Variants in GLIS3 observed in about 807,000 individuals in gnomAD.
The protein encoded by GLIS3 is zinc finger protein GLIS3.
Under a neutral mutation model 78.6 loss-of-function variants are expected in GLIS3, and 53 were observed. The ratio of observed to expected loss-of-function variants is 0.67; its 90% CI spans 0.54 to 0.85. The LOEUF is 0.85. Among genes scored for constraint, GLIS3 ranks in the 40% least tolerant of loss-of-function variants. The pLI is 0.00. For missense variants in GLIS3, 1,703 were observed against 1,231.1 expected (o/e 1.38, Z -5.74); for synonymous variants, 684 against 509.9 (o/e 1.34, Z -4.60).
chr9:3,956,158 T>C (rs1210059953), intron 4 of GLIS3, among the ~76,000 whole-genome samples: 2 of 152,042 alleles, frequency 1.3e-5, no homozygotes, highest in Non-Finnish European at 2.9e-5. Flanking sequence ...ATAAGCTGAC[T>C]TCCATTCTTT....
chr9:4,350,948 T>C (rs1277892838), upstream of GLIS3, among the ~76,000 whole-genome samples: 1 of 152,178 alleles, frequency 6.6e-6, no homozygotes, highest in Non-Finnish European at 1.5e-5. Context: ...CAATAAACCA[T>C]TTGTGGCTCT....
At chr9:4,329,244 C>A (rs1002120114) in intron 2 of GLIS3, among the ~76,000 whole-genome samples, 3 of 152,188 alleles carry the variant, frequency 2.0e-5, no homozygotes, top group Non-Finnish European at 4.4e-5. Context: ...CCCAGGCCTG[C>A]ATGTTGACCA....
chr9:4,201,637 A>G (rs1242386442), intron 2 of GLIS3, among the ~76,000 whole-genome samples: 3 of 152,200 alleles, frequency 2.0e-5, no homozygotes, highest in African/African-American at 7.2e-5. Flanking sequence ...GGGAGCTAAA[A>G]AATATCTACA....
At chr9:4,153,920 C>G (rs920988633) in intron 2 of GLIS3, among the ~76,000 whole-genome samples, 2 of 152,200 alleles carry the variant, frequency 1.3e-5, no homozygotes, top group African/African-American at 4.8e-5. Context: ...TTTGGGGTCT[C>G]TCATGCACTG....
chr9:4,219,933 C>T (rs1450632182), intron 2 of GLIS3, among the ~76,000 whole-genome samples: 1 of 152,144 alleles, frequency 6.6e-6, no homozygotes, highest in Non-Finnish European at 1.5e-5. Context: ...CCACTGTCCA[C>T]TAAAAGTAAC....
At chr9:4,335,869 T>A (rs1304141350) in intron 2 of GLIS3, among the ~76,000 whole-genome samples, 2 of 152,206 alleles carry the variant, frequency 1.3e-5, no homozygotes, top group African/African-American at 4.8e-5. Context: ...AGCCTTGGTG[T>A]TTGTATCCAG....
intron 6 of GLIS3, among the ~76,000 whole-genome samples, chr9:3,914,367 A>G (rs1444251868): frequency 6.9e-6 from 1 of 144,140 alleles, no homozygotes; most frequent in African/African-American, 2.6e-5. Context: ...AGATCTCACT[A>G]TGTTGCTGAG....
chr9:3,923,984 G>C lies in GLIS3; in HGVS notation c.1983+8376C>G, dbSNP rs376368553. ...AATACATTTTGCATATAATTTCTGG[G>C]AGTTCATGAGCTTCCTAAAACACAG... On this transcript the variant is annotated intron_variant, in intron 6 of 10. Transcript: ENST00000381971. Among the ~76,000 whole-genome samples, 13 of 152,352 alleles carry C rather than the reference G, an allele frequency of 8.5e-5. No homozygotes were observed. The East Asian group carries it at 1.7e-3, about 20-fold the overall frequency.
chr9:3,981,753 A>G (rs761701913), intron 4 of GLIS3, among the ~76,000 whole-genome samples: 1 of 152,176 alleles, frequency 6.6e-6, no homozygotes, highest in Non-Finnish European at 1.5e-5. Context: ...GGAAGACATC[A>G]TACTAATACT....
In GLIS3 at chr9:4,147,939, G is replaced by A. The variant is rs79382724; in HGVS notation, c.389-21998C>T. On this transcript the variant is annotated intron_variant, in intron 2 of 10. Transcript: ENST00000381971. ...CACAAAGGTAAGTCAACTTACTGTC[G>A]GCTGTTTCATTTTGCACACATCTCT... Among the ~76,000 whole-genome samples the A allele has an allele frequency of 5.4e-3, 824 of 152,224 alleles. 1 individual carries two copies. The highest frequency in any genetic ancestry group is 8.9e-3 in the Non-Finnish European group (606 of 68,020).
At chr9:4,199,260 C>T (rs974577311) in intron 2 of GLIS3, among the ~76,000 whole-genome samples, 2 of 152,080 alleles carry the variant, frequency 1.3e-5, no homozygotes, top group East Asian at 1.9e-4. Flanking sequence ...TTAAAAGGCA[C>T]AGAGTGGCAA....
chr9:4,411,926 T>A, the GLIS3 span, among the ~76,000 whole-genome samples: 1,458 of 152,370 alleles, frequency 9.6e-3, 15 homozygotes, highest in African/African-American at 0.033. Context: ...TGTATGGTCC[T>A]AACTAGTTTA....
intron 2 of GLIS3, among the ~76,000 whole-genome samples, chr9:4,260,567 A>AC (rs1491395061): frequency 6.1e-5 from 2 of 32,672 alleles, no homozygotes; most frequent in African/African-American, 2.6e-4. Flanking sequence ...ACTCTGTCTC[A>AC]AAAAAAAAAA....
chr9:4,378,918 C>G, the GLIS3 span, among the ~76,000 whole-genome samples: 7 of 152,226 alleles, frequency 4.6e-5, no homozygotes, highest in East Asian at 7.7e-4. Flanking sequence ...CCCATCAAGC[C>G]AAGTGTTTGG....
chr9:4,083,380 G>A (rs186613574), intron 4 of GLIS3, among the ~76,000 whole-genome samples: 73 of 152,078 alleles, frequency 4.8e-4, no homozygotes, highest in African/African-American at 1.7e-3. Flanking sequence ...CAGCCCTCTA[G>A]GTAGCTGCTA....
the GLIS3 span, among the ~76,000 whole-genome samples, chr9:4,428,483 C>CAAAAA: frequency 5.8e-4 from 28 of 48,458 alleles, no homozygotes; most frequent in African/African-American, 2.3e-3. Flanking sequence ...GACTCTGTCT[C>CAAAAA]AAAAAAAAAA....
At chr9:4,216,555 T>C (rs187065051) in intron 2 of GLIS3, among the ~76,000 whole-genome samples, 62 of 150,860 alleles carry the variant, frequency 4.1e-4, no homozygotes, top group African/African-American at 1.3e-3. Context: ...GGAAAATTCA[T>C]TGGACTTAGA....
At chr9:4,070,947 A>G (rs1269782793) in intron 4 of GLIS3, 1 of 152,148 alleles carries the variant, frequency 6.6e-6, no homozygotes, top group Non-Finnish European at 1.5e-5. Flanking sequence ...AGAAATATGC[A>G]CATGTACCCT....
At chr9:3,981,032 G>A (rs996429865) in intron 4 of GLIS3, among the ~76,000 whole-genome samples, 1 of 152,154 alleles carries the variant, frequency 6.6e-6, no homozygotes, top group African/African-American at 2.4e-5. Flanking sequence ...TGGACGAACT[G>A]AAGAAAGATG....
Sources: gnomAD v4.1 joint callset for allele counts (sites outside exome capture counted in the v4.1 genomes callset) on GRCh38, gnomAD v4.1.1 for gene constraint, MANE v1.5 for transcripts, NCBI Gene and HGNC (gene_info 2026-07-23, HGNC 2026-07-21) for gene names.